The following ZNF66 variants were observed in gnomAD, a reference collection of about 807,000 sequenced individuals.
ZNF66 encodes zinc finger protein 66.
A neutral mutation model predicts 35.2 loss-of-function variants in ZNF66; 32 were observed. The observed-to-expected ratio is 0.91, with a 90% CI of 0.69 to 1.22. The LOEUF (loss-of-function observed/expected upper bound fraction) is 1.22, where lower values mean the gene tolerates loss of function less well. ZNF66 is among the 50% of genes most tolerant of loss of function. ZNF66 has a pLI of 0.00. For synonymous variants in ZNF66, 231 were observed against 181.3 expected, an observed-to-expected ratio of 1.27 and a Z score of -2.20; for missense variants, 666 against 543.1, an observed-to-expected ratio of 1.23 and a Z score of -2.25.
intron 3 of ZNF66, among the ~76,000 whole-genome samples, chr19:20,794,776 G>A (rs1274796505): frequency 1.3e-5 from 2 of 150,272 alleles, no homozygotes; most frequent in Non-Finnish European, 3.0e-5. Context: ...TTTATATTTT[G>A]CTAATTTACT....
At chr19:20,801,338 C>CATTTTATTTTATTTT (rs924484396) in intron 3 of ZNF66, among the ~76,000 whole-genome samples, 4 of 150,226 alleles carry the variant, frequency 2.7e-5, no homozygotes, top group African/African-American at 4.9e-5. Context: ...ATTTATTATT[C>CATTTTATTTTATTTT]ATTTTATTTT....
At chr19:20,801,751 C>T (rs551919385) in intron 3 of ZNF66, among the ~76,000 whole-genome samples, 2 of 151,926 alleles carry the variant, frequency 1.3e-5, no homozygotes, top group East Asian at 1.9e-4. Flanking sequence ...TTCAGCCTCT[C>T]AAGTAGCTGG....
chr19:20,782,985 G>A (rs1277553381), intron 1 of ZNF66, among the ~76,000 whole-genome samples: 1 of 151,914 alleles, frequency 6.6e-6, no homozygotes, highest in Non-Finnish European at 1.5e-5. Flanking sequence ...ATAATTTTAA[G>A]TTTACATTTA....
intron 1 of ZNF66, among the ~76,000 whole-genome samples, chr19:20,789,210 T>A (rs9783961): frequency 0.093 from 14,157 of 152,188 alleles, 672 homozygotes; most frequent in Middle Eastern, 0.11. Flanking sequence ...GAAAAAAGAA[T>A]ACTGGTAGTA....
rs1971532382 is a variant in ZNF66 at position 20,807,368 on chromosome 19, G to A, written c.*46G>A. On this transcript the variant is annotated 3_prime_UTR_variant, in exon 4 of 4. Coordinates refer to ENST00000344519, the MANE Select transcript of ZNF66 (RefSeq NM_001355197.2). ...GACATAAGATAATTCATACTGGAGA[G>A]AAACCCTATGAGTTTGATGAATGTG... 4 of 578,562 alleles carry A rather than the reference G, an allele frequency of 6.9e-6. No individual in the cohort carries two copies. The highest frequency in any genetic ancestry group is 6.2e-6 in the Non-Finnish European group (2 of 322,838). The allele number at this position is 578,562 out of a possible 1,614,324, so 35.8% of individuals were successfully genotyped here. A position where few individuals can be genotyped will look rare whatever the true frequency, so the allele number is the denominator to read the frequency against.
At chr19:20,802,913 A>G (rs1360853443) in intron 3 of ZNF66, among the ~76,000 whole-genome samples, 1 of 152,172 alleles carries the variant, frequency 6.6e-6, no homozygotes, top group African/African-American at 2.4e-5. Context: ...ATAGATTCCC[A>G]GTGAAAGAAT....
intron 3 of ZNF66, among the ~76,000 whole-genome samples, chr19:20,798,013 A>T (rs1350149469): frequency 1.3e-5 from 2 of 152,044 alleles, no homozygotes; most frequent in Non-Finnish European, 2.9e-5. Context: ...CAGGTTACAT[A>T]TGTATGTCTG....
At chr19:20,791,327 A>G (rs2144901003) in intron 1 of ZNF66, among the ~76,000 whole-genome samples, 1 of 152,190 alleles carries the variant, frequency 6.6e-6, no homozygotes, top group South Asian at 2.1e-4. Flanking sequence ...CCTACTAAAA[A>G]TATAACAATT....
At chr19:20,778,660 G>T (rs1397394690) in intron 1 of ZNF66, among the ~76,000 whole-genome samples, 1 of 151,786 alleles carries the variant, frequency 6.6e-6, no homozygotes, top group African/African-American at 2.4e-5. Context: ...GCATATGCCT[G>T]TATTCCCAGC....
At chr19:20,786,262 A>G (rs902964606) in intron 1 of ZNF66, among the ~76,000 whole-genome samples, 2 of 152,154 alleles carry the variant, frequency 1.3e-5, no homozygotes, top group Admixed American at 1.3e-4. Flanking sequence ...CCTATTTGGT[A>G]TCTAGAGTTC....
Position 20,808,973 on chromosome 19 carries a change from G to A in ZNF66, c.*1651G>A, listed in dbSNP as rs916033324. Among the ~76,000 whole-genome samples, 2 of 152,030 alleles carry A rather than the reference G, an allele frequency of 1.3e-5. No homozygotes were observed. The highest frequency in any genetic ancestry group is 2.9e-5 in the Non-Finnish European group (2 of 68,006). On this transcript the variant is annotated 3_prime_UTR_variant, in exon 4 of 4. Coordinates refer to ENST00000344519, the MANE Select transcript of ZNF66 (RefSeq NM_001355197.2). ...CGAATGTATAACTAGAATAACCAAT[G>A]CAGAGAAATGCTTAAAGGAGCTGAT...
chr19:20,794,857 T>C (rs12460786), intron 3 of ZNF66, among the ~76,000 whole-genome samples: 95,466 of 147,580 alleles, frequency 0.65, 31,050 homozygotes, highest in Non-Finnish European at 0.67. Context: ...ATTGTGTGAT[T>C]TACAACCAGC....
chr19:20,781,465 A>G (rs1480019210), intron 1 of ZNF66, among the ~76,000 whole-genome samples: 1 of 151,096 alleles, frequency 6.6e-6, no homozygotes, highest in East Asian at 1.9e-4. Context: ...GCTCTTACTT[A>G]TAAATGATAG....
At chr19:20,789,329 G>A (rs1269303210) in intron 1 of ZNF66, among the ~76,000 whole-genome samples, 1 of 152,156 alleles carries the variant, frequency 6.6e-6, no homozygotes, top group Non-Finnish European at 1.5e-5. Context: ...ATACCTTGGA[G>A]TCTTTCCTCA....
chr19:20,807,785 C>A lies in ZNF66; in HGVS notation c.*463C>A, dbSNP rs6511164. 6.6e-6 allele frequency among the ~76,000 whole-genome samples: 1 copy of A among 151,824 alleles called. No individual in the cohort carries two copies. Among genetic ancestry groups the A allele is most frequent in the Non-Finnish European group, 1.5e-5 (1 of 67,982 alleles). On this transcript the variant is annotated 3_prime_UTR_variant, in exon 4 of 4. Transcript: ENST00000344519. ...TGTCTACAGCTCCCAGCCTGAGCGA[C>A]GCAGAAGATGGGTGATTTCTGCATT...
At position 20,781,437 on chromosome 19, in the gene ZNF66, G is replaced by A. The variant is rs188979499; in HGVS notation, c.3+4987G>A. 2.3e-4 allele frequency among the ~76,000 whole-genome samples: 35 copies of A among 151,998 alleles called. No homozygotes were observed. The East Asian group carries it at 3.5e-3, about 15-fold the overall frequency. On this transcript the variant is annotated intron_variant, in intron 1 of 3. Coordinates refer to ENST00000344519, the MANE Select transcript of ZNF66 (RefSeq NM_001355197.2). ...GTCTGTTGTTCTCCTCTTTGTGTTC[G>A]TGTGTTCTTATTATTTAGCTCTTAC...
intron 1 of ZNF66, among the ~76,000 whole-genome samples, chr19:20,790,952 C>T (rs1175560488): frequency 6.6e-6 from 1 of 152,084 alleles, no homozygotes. Flanking sequence ...TCCCTGTATC[C>T]CAGAGCCTTC....
chr19:20,805,705 CT>C (rs1288621708), intron 3 of ZNF66, 121 bp from the exon 4 acceptor site: 3 of 424,684 alleles, frequency 7.1e-6, no homozygotes, highest in Non-Finnish European at 1.3e-5. Context: ...GAAATTACAG[CT>C]TGTGATATTT....
chr19:20,794,717 ATAGT>A (rs1255609741), intron 3 of ZNF66: 1 of 151,628 alleles, frequency 6.6e-6, no homozygotes, highest in Non-Finnish European at 1.5e-5. Context: ...TCCTCATCAG[ATAGT>A]TTGTTTTAAG....
Sources: allele counts gnomAD v4.1 joint callset (sites outside exome capture counted in the v4.1 genomes callset), GRCh38; gene constraint gnomAD v4.1.1; transcripts MANE v1.5; gene names NCBI Gene and HGNC (gene_info 2026-07-23, HGNC 2026-07-21).